SUGCT: variants seen among roughly 807,000 people sequenced by gnomAD.
The protein encoded by SUGCT is succinyl-CoA:glutarate CoA-transferase.
In SUGCT, 41 loss-of-function variants were observed where a neutral mutation model predicts 55.0. That is an observed-to-expected ratio of 0.74 (90% confidence interval 0.58 to 0.97). The LOEUF (loss-of-function observed/expected upper bound fraction) is 0.97, where lower values mean the gene tolerates loss of function less well. SUGCT is among the 50% of genes least tolerant of loss of function. SUGCT has a pLI of 0.00. For missense variants in SUGCT, 568 were observed against 547.8 expected (o/e 1.04, Z -0.37); for synonymous variants, 187 against 200.4 (o/e 0.93, Z 0.56).
intron 9 of SUGCT, among the ~76,000 whole-genome samples, chr7:40,344,253 C>T (rs1011044310): frequency 1.3e-5 from 2 of 151,990 alleles, no homozygotes; most frequent in Non-Finnish European, 2.9e-5. Flanking sequence ...TTTATTTTAT[C>T]GTGGTATTTT....
chr7:40,618,419 C>A (rs1480446794), intron 12 of SUGCT, among the ~76,000 whole-genome samples: 1 of 152,174 alleles, frequency 6.6e-6, no homozygotes, highest in African/African-American at 2.4e-5. Context: ...TCTACTGAAG[C>A]CATGAGCAGC....
At chr7:40,517,173 G>A (rs1793283055) in intron 12 of SUGCT, among the ~76,000 whole-genome samples, 1 of 148,844 alleles carries the variant, frequency 6.7e-6, no homozygotes, top group Non-Finnish European at 1.5e-5. Flanking sequence ...TAATTTTGTA[G>A]GTTAATCTTG....
chr7:40,825,537 A>G (rs1280572058), intron 13 of SUGCT, among the ~76,000 whole-genome samples: 3 of 152,198 alleles, frequency 2.0e-5, no homozygotes, highest in South Asian at 4.1e-4. Flanking sequence ...AACGTATTCC[A>G]TGAAATAAAG....
rs117013165 is a variant in SUGCT, at chr7:40,790,813, A to G, written c.1153+41316A>G. On this transcript the variant is annotated intron_variant, in intron 13 of 13. Transcript: ENST00000335693. ...TGAGTGTTATCTGTTTTAGTAATGTACTCTGTCTGTAGACACTGACTGGTG... is the reference window on the plus strand; with the variant it reads ...TGAGTGTTATCTGTTTTAGTAATGTGCTCTGTCTGTAGACACTGACTGGTG... Among the ~76,000 whole-genome samples the G allele has an allele frequency of 6.7e-3, 1,024 of 152,332 alleles. 3 individuals carry two copies. Among genetic ancestry groups the G allele is most frequent in the South Asian group, 0.012 (57 of 4,824 alleles).
chr7:40,654,084 C>T (rs1233802484), intron 12 of SUGCT, among the ~76,000 whole-genome samples: 1 of 151,970 alleles, frequency 6.6e-6, no homozygotes, highest in African/African-American at 2.4e-5. Flanking sequence ...ACTTACTTTC[C>T]CATAAGGTAT....
chr7:40,743,104 GCTT>G (rs559638630), intron 12 of SUGCT, among the ~76,000 whole-genome samples: 8 of 152,158 alleles, frequency 5.3e-5, no homozygotes, highest in Non-Finnish European at 1.2e-4. Flanking sequence ...TCCATGCAGA[GCTT>G]CTCGGCATGG....
intron 8 of SUGCT, among the ~76,000 whole-genome samples, chr7:40,313,159 GATT>G (rs969408733): frequency 3.3e-5 from 5 of 152,126 alleles, no homozygotes; most frequent in Admixed American, 1.3e-4. Context: ...CTGTCAGAAT[GATT>G]ATTATTAAAC....
At chr7:40,582,247 C>T (rs1168306789) in intron 12 of SUGCT, among the ~76,000 whole-genome samples, 1 of 152,120 alleles carries the variant, frequency 6.6e-6, no homozygotes, top group Non-Finnish European at 1.5e-5. Flanking sequence ...CCATCCCCTT[C>T]AAAATGGTGT....
intron 12 of SUGCT, among the ~76,000 whole-genome samples, chr7:40,722,810 A>G (rs2128686855): frequency 6.6e-6 from 1 of 152,226 alleles, no homozygotes; most frequent in East Asian, 1.9e-4. Flanking sequence ...GCGGTGAAGT[A>G]TTTCTATTTT....
the SUGCT span, among the ~76,000 whole-genome samples, chr7:40,901,849 G>A: frequency 6.6e-6 from 1 of 152,312 alleles, no homozygotes; most frequent in Non-Finnish European, 1.5e-5. Flanking sequence ...TAAGATTCCA[G>A]GAACTCAGAA....
At chr7:40,687,315 A>T (rs957362631) in intron 12 of SUGCT, among the ~76,000 whole-genome samples, 1 of 152,230 alleles carries the variant, frequency 6.6e-6, no homozygotes, top group Non-Finnish European at 1.5e-5. Flanking sequence ...GGAAGCAGAC[A>T]TTTAAGCAGA....
chr7:40,942,916 C>T, the SUGCT span, among the ~76,000 whole-genome samples: 1 of 151,940 alleles, frequency 6.6e-6, no homozygotes, highest in Admixed American at 6.6e-5. Flanking sequence ...GTTCTGATTA[C>T]TTTTTAAAAA....
At chr7:41,031,922 G>T in the SUGCT span, among the ~76,000 whole-genome samples, 1 of 151,900 alleles carries the variant, frequency 6.6e-6, no homozygotes. Context: ...GCAAGCTCAT[G>T]AGTATAGGAG....
chr7:40,330,436 A>G (rs908854658), intron 9 of SUGCT, among the ~76,000 whole-genome samples: 1 of 152,124 alleles, frequency 6.6e-6, no homozygotes, highest in African/African-American at 2.4e-5. Flanking sequence ...TCTGCATATT[A>G]GGAAAGAAGG....
chr7:40,896,592 T>C, the SUGCT span, among the ~76,000 whole-genome samples: 2 of 152,204 alleles, frequency 1.3e-5, no homozygotes, highest in Non-Finnish European at 2.9e-5. Context: ...TTTCCCCTTT[T>C]GCTCGGCACT....
At chr7:40,301,596 ACTT>A (rs1794545837) in intron 8 of SUGCT, among the ~76,000 whole-genome samples, 1 of 152,200 alleles carries the variant, frequency 6.6e-6, no homozygotes, top group South Asian at 2.1e-4. Context: ...TCAGTAAAGA[ACTT>A]CATCATGTAC....
At chr7:40,400,470 TG>T (rs1362803035) in intron 9 of SUGCT, among the ~76,000 whole-genome samples, 1 of 152,110 alleles carries the variant, frequency 6.6e-6, no homozygotes, top group East Asian at 1.9e-4. Flanking sequence ...TTCTTTCCCT[TG>T]GGGTAGATAC....
chr7:41,007,099 G>GTT, the SUGCT span, among the ~76,000 whole-genome samples: 128 of 150,284 alleles, frequency 8.5e-4, no homozygotes, highest in Middle Eastern at 3.5e-3. Flanking sequence ...TAGAGATTCA[G>GTT]TTTTTTTTTT....
At chr7:40,341,013 C>T (rs1363054075) in intron 9 of SUGCT, among the ~76,000 whole-genome samples, 3 of 152,302 alleles carry the variant, frequency 2.0e-5, no homozygotes, top group Admixed American at 1.3e-4. Context: ...ATTGCTGAAA[C>T]TTTATGACAT....
Sources: gnomAD v4.1 joint callset for allele counts (sites outside exome capture counted in the v4.1 genomes callset) on GRCh38, gnomAD v4.1.1 for gene constraint, MANE v1.5 for transcripts, NCBI Gene and HGNC (gene_info 2026-07-23, HGNC 2026-07-21) for gene names.